CBX7: variants seen among roughly 807,000 people sequenced by gnomAD.
The protein encoded by CBX7 is chromobox 7.
Under a neutral mutation model 31.4 loss-of-function variants are expected in CBX7, and 14 were observed. The ratio of observed to expected loss-of-function variants is 0.45; its 90% CI spans 0.29 to 0.70. CBX7 has a LOEUF of 0.70. Ranked by LOEUF, CBX7 falls within the 30% of genes least tolerant of loss-of-function variation. The probability of loss-of-function intolerance (pLI) is 0.11; values close to 1 mark genes in which losing one functional copy is unlikely to be tolerated. For synonymous variants in CBX7, 159 were observed against 152.6 expected, an observed-to-expected ratio of 1.04 and a Z score of -0.31; for missense variants, 269 against 351.9, an observed-to-expected ratio of 0.76 and a Z score of 1.89.
At chr22:39,151,370 A>G (rs773414103) in intron 1 of CBX7, among the ~76,000 whole-genome samples, 2 of 152,048 alleles carry the variant, frequency 1.3e-5, no homozygotes, top group East Asian at 1.9e-4. Flanking sequence ...AGTTTTCTCT[A>G]TGGAGAAAGA....
intron 3 of CBX7, among the ~76,000 whole-genome samples, chr22:39,139,872 G>C (rs1398844721): frequency 1.3e-5 from 2 of 151,940 alleles, no homozygotes; most frequent in African/African-American, 4.8e-5. Flanking sequence ...AGAGGTTGTA[G>C]TGAGCCAAGA....
Position 39,134,620 on chromosome 22 carries a change from C to T in CBX7, c.379G>A (p.Asp127Asn). 6.3e-7 allele frequency: 1 copy of T among 1,585,744 alleles called. No homozygotes were observed. Among genetic ancestry groups the T allele is most frequent in the Non-Finnish European group, 8.6e-7 (1 of 1,165,810 alleles). Residue 127 changes from aspartate to asparagine, a missense_variant, in exon 5 of 6, where the codon GAC becomes AAC. By Grantham distance (23) the Asp-to-Asn change is conservative (BLOSUM62 1). Transcript: ENST00000216133. ...AGGGTGGGCACCAAGGGGCCCTTGT[C>T]CACCAGCTCAGGTGCCCCCGCCTTG... ...VVKAGAPELV[D>N]KGPLVPTLPF...
intron 3 of CBX7, among the ~76,000 whole-genome samples, chr22:39,139,989 A>G (rs1402556055): frequency 6.6e-6 from 1 of 152,146 alleles, no homozygotes; most frequent in Non-Finnish European, 1.5e-5. Context: ...CACATAAGAC[A>G]ACACAACCAG....
At chr22:39,149,320 G>A (rs73884828) in intron 2 of CBX7, 2,163 of 167,366 alleles carry the variant, frequency 0.013, 48 homozygotes, top group African/African-American at 0.049. Flanking sequence ...AAAGCTGTAT[G>A]GGAACCTGCT....
At chr22:39,138,990 G>A (rs1399174242) in intron 3 of CBX7, among the ~76,000 whole-genome samples, 3 of 152,230 alleles carry the variant, frequency 2.0e-5, no homozygotes, top group African/African-American at 7.2e-5. Flanking sequence ...AGGGCCATGT[G>A]CGGGCTCTGC....
In CBX7 at chr22:39,139,266, T is replaced by C. The variant is rs985759561; in HGVS notation, c.180-564A>G. Among the ~76,000 whole-genome samples, 15 of 152,266 alleles carry C rather than the reference T, an allele frequency of 9.9e-5. No homozygotes were observed. In the South Asian group the frequency reaches 2.1e-3, roughly 21 times the overall value. On this transcript the variant is annotated intron_variant, in intron 3 of 5. Transcript: ENST00000216133. ...CAGCCTGTTCTGAGTGCCCAGCAGA[T>C]GCCTTCCCATGTATCAAAAACACAA...
chr22:39,132,928 T>C lies in CBX7; in HGVS notation c.*963A>G, dbSNP rs959375242. On this transcript the variant is annotated 3_prime_UTR_variant, in exon 6 of 6. Transcript: ENST00000216133. ...TACATCACACAACTTAGCAGACGCC[T>C]GCACACCCGCAGCCTGGCCCGGTGC... 1 of 152,582 alleles carries C rather than the reference T, an allele frequency of 6.6e-6. No homozygotes were observed. The highest frequency in any genetic ancestry group is 3.4e-3 in the Middle Eastern group (1 of 298). 9.5% of individuals were successfully genotyped at this position (152,582 alleles called of 1,614,324 possible). A position where few individuals can be genotyped will look rare whatever the true frequency, so the allele number is the denominator to read the frequency against.
intron 1 of CBX7, among the ~76,000 whole-genome samples, chr22:39,151,734 C>T (rs896631459): frequency 1.7e-4 from 26 of 152,072 alleles, no homozygotes; most frequent in African/African-American, 5.8e-4. Context: ...AGAACAGACA[C>T]CTCCTTAAAT....
chr22:39,140,193 C>T (rs1350149668), intron 3 of CBX7, among the ~76,000 whole-genome samples: 1 of 152,184 alleles, frequency 6.6e-6, no homozygotes. Context: ...ATGAACCCCA[C>T]GGCACCTATT....
At position 39,140,246 on chromosome 22, in the gene CBX7, C is replaced by CCAAAGGG. The variant is rs912158106; in HGVS notation, c.179+1124_179+1125insCCCTTTG. Among the ~76,000 whole-genome samples the CCAAAGGG allele has an allele frequency of 1.6e-4, 24 of 152,286 alleles. 1 individual carries two copies. In the South Asian group the frequency reaches 4.8e-3, roughly 30 times the overall value. On this transcript the variant is annotated intron_variant, in intron 3 of 5. Coordinates refer to ENST00000216133, the MANE Select transcript of CBX7 (RefSeq NM_175709.5). ...CACTGAGCATCCATCCCCAGCAGGA[C>CCAAAGGG]ACCAACGGACCAAAGGGAAAGTGTC...
chr22:39,144,885 C>T (rs1240690818), intron 2 of CBX7, among the ~76,000 whole-genome samples: 1 of 152,240 alleles, frequency 6.6e-6, no homozygotes, highest in African/African-American at 2.4e-5. Context: ...GTGCTTAGTT[C>T]TTACCCCCAT....
At chr22:39,138,790 G>C (rs1930346074) in intron 3 of CBX7, 88 bp from the exon 4 acceptor site, 2 of 1,226,706 alleles carry the variant, frequency 1.6e-6, no homozygotes, top group African/African-American at 3.0e-5. Context: ...GCCCTCTGCT[G>C]TCTGTCAGGG....
At chr22:39,150,091 T>TG (rs1368471490) in intron 1 of CBX7, among the ~76,000 whole-genome samples, 1 of 152,202 alleles carries the variant, frequency 6.6e-6, no homozygotes, top group Non-Finnish European at 1.5e-5. Flanking sequence ...CTGAGGCTCC[T>TG]GAGGCCCAAG....
At position 39,132,669 on chromosome 22, in the gene CBX7, T is replaced by C. The variant is rs1223973886; in HGVS notation, c.*1222A>G. 6.6e-6 allele frequency: 1 copy of C among 152,634 alleles called. No homozygotes were observed. Among genetic ancestry groups the C allele is most frequent in the East Asian group, 1.9e-4 (1 of 5,166 alleles). 9.5% of individuals were successfully genotyped at this position (152,634 alleles called of 1,614,324 possible). ...CCCCAGCTGTGGCATTTAGGTTGGA[T>C]GGGGAGGGGATGCAGAATGGAAGGA... On this transcript the variant is annotated 3_prime_UTR_variant, in exon 6 of 6. Coordinates refer to ENST00000216133, the MANE Select transcript of CBX7 (RefSeq NM_175709.5).
Position 39,133,885 on chromosome 22 carries a change from G to T in CBX7, c.*6C>A. 2.5e-6 allele frequency: 4 copies of T among 1,601,758 alleles called. No individual in the cohort carries two copies. Among genetic ancestry groups the T allele is most frequent in the Non-Finnish European group, 3.4e-6 (4 of 1,172,466 alleles). ...AAAACAGTTTAAGAAGAGTAAAAAC[G>T]GTGATTCAGAACTTCCCACTGCGGT... On this transcript the variant is annotated 3_prime_UTR_variant, in exon 6 of 6. Transcript: ENST00000216133.
intron 3 of CBX7, among the ~76,000 whole-genome samples, chr22:39,139,081 A>G (rs1280854245): frequency 6.6e-6 from 1 of 152,046 alleles, no homozygotes; most frequent in African/African-American, 2.4e-5. Context: ...TGTCAATCCA[A>G]TTTACCTTGA....
rs765537455 is a variant in CBX7 at position 39,141,400 on chromosome 22, G to A, written c.150C>T (p.Asp50=). 2.9e-5 allele frequency: 46 copies of A among 1,612,414 alleles called. No homozygotes were observed. The highest frequency in any genetic ancestry group is 8.4e-5 in the Admixed American group (5 of 59,878). ...STWEPEEHIL[D]PRLVMAYEEK... ...CCTCGTAGGCCATGACGAGGCGGGG[G>A]TCCAAGATGTGCTCTTCTGGCTCCC... The change falls in exon 3 of 6, where the codon GAC becomes GAT. Residue 50 remains aspartate, a synonymous_variant. Coordinates refer to ENST00000216133, the MANE Select transcript of CBX7 (RefSeq NM_175709.5).
intron 2 of CBX7, among the ~76,000 whole-genome samples, chr22:39,145,669 GCGCACGCA>G (rs935430758): frequency 6.7e-6 from 1 of 150,138 alleles, no homozygotes; most frequent in Admixed American, 6.6e-5. Flanking sequence ...CGCCGGCCGC[GCGCACGCA>G]CGCACGGGGA....
chr22:39,141,767 G>C (rs1326714598), intron 2 of CBX7, among the ~76,000 whole-genome samples: 1 of 150,930 alleles, frequency 6.6e-6, no homozygotes. Context: ...AAAGGTCAGA[G>C]CCATCGCTTC....
Sources: gnomAD v4.1 joint callset for allele counts (sites outside exome capture counted in the v4.1 genomes callset) on GRCh38, gnomAD v4.1.1 for gene constraint, MANE v1.5 for transcripts, NCBI Gene and HGNC (gene_info 2026-07-23, HGNC 2026-07-21) for gene names.